The following CEP104 variants were observed in gnomAD, a reference collection of about 807,000 sequenced individuals.
CEP104 encodes centrosomal protein of 104 kDa.
CEP104 carries 84 observed loss-of-function variants against 113.3 expected under a neutral mutation model. The ratio of observed to expected loss-of-function variants is 0.74; its 90% CI spans 0.62 to 0.89. The LOEUF is 0.89. Ranked by LOEUF, CEP104 falls within the 40% of genes least tolerant of loss-of-function variation. CEP104 has a pLI of 0.00. For synonymous variants in CEP104, 378 were observed against 421.7 expected (o/e 0.90, Z 1.27); for missense variants, 1,053 against 1,156.6 (o/e 0.91, Z 1.30).
intron 20 of CEP104, chr1:3,816,586 C>T (rs1321761124): frequency 4.1e-6 from 2 of 491,382 alleles, no homozygotes; most frequent in African/African-American, 4.0e-5. Context: ...GCAAGAAGTC[C>T]TGTCACCAGG....
chr1:3,837,157 C>T (rs1557678881), intron 9 of CEP104, 135 bp downstream of exon 9: 4 of 679,216 alleles, frequency 5.9e-6, no homozygotes, highest in Non-Finnish European at 7.7e-6. Flanking sequence ...CACTATGGCT[C>T]CTAGAATGGA....
At chr1:3,828,599 G>A (rs1290989589) in intron 15 of CEP104, among the ~76,000 whole-genome samples, 5 of 152,192 alleles carry the variant, frequency 3.3e-5, no homozygotes, top group Non-Finnish European at 5.9e-5. Context: ...GCAGGCCTGA[G>A]GTGCCAGCAG....
intron 20 of CEP104, among the ~76,000 whole-genome samples, chr1:3,817,897 G>A (rs577977985): frequency 2.4e-4 from 37 of 152,348 alleles, no homozygotes; most frequent in African/African-American, 7.7e-4. Flanking sequence ...CCAGGCTGGC[G>A]TGCTGGGCTC....
chr1:3,815,614 A>C, intron 21 of CEP104, 97 bp from the exon 22 acceptor site: 2 of 789,106 alleles, frequency 2.5e-6, no homozygotes, highest in Non-Finnish European at 3.9e-6. Context: ...ACAACGTCCC[A>C]GGCCCATGCT....
At chr1:3,827,680 CAA>C (rs1557666644) in intron 15 of CEP104, among the ~76,000 whole-genome samples, 1 of 152,140 alleles carries the variant, frequency 6.6e-6, no homozygotes, top group Non-Finnish European at 1.5e-5. Context: ...TTTACCCCAA[CAA>C]AAAAAGAGAA....
chr1:3,828,173 T>G (rs1287535790), intron 15 of CEP104, among the ~76,000 whole-genome samples: 1 of 152,168 alleles, frequency 6.6e-6, no homozygotes, highest in African/African-American at 2.4e-5. Flanking sequence ...CGCCTGGCAA[T>G]GGGCTTAGTA....
At position 3,812,429 on chromosome 1, in the gene CEP104, C is replaced by A. The variant is rs1643811236; in HGVS notation, c.*2973G>T. 2 of 151,992 alleles carry A rather than the reference C, an allele frequency of 1.3e-5. No individual in the cohort carries two copies. Among genetic ancestry groups the A allele is most frequent in the Non-Finnish European group, 2.9e-5 (2 of 68,016 alleles). The allele number at this position is 151,992 out of a possible 1,614,324, so 9.4% of individuals were successfully genotyped here. A position where few individuals can be genotyped will look rare whatever the true frequency, so the allele number is the denominator to read the frequency against. The stretch of plus-strand genomic sequence containing the variant: ...ATTTAGATATTTATTTATGAATGAC[C>A]AAGGGATTTTACAGTTCCTTTTTAA... On this transcript the variant is annotated 3_prime_UTR_variant, in exon 22 of 22. Transcript: ENST00000378230.
At chr1:3,829,504 A>G (rs1007590179) in intron 14 of CEP104, 131 bp from the exon 15 acceptor site, 1 of 707,082 alleles carries the variant, frequency 1.4e-6, no homozygotes, top group Non-Finnish European at 2.3e-6. Flanking sequence ...ACAAGTTAGA[A>G]TAAGTCTTTT....
At chr1:3,837,011 T>C in intron 9 of CEP104, 1 of 520,768 alleles carries the variant, frequency 1.9e-6, no homozygotes, top group South Asian at 2.7e-5. Flanking sequence ...TAAAGGCTAT[T>C]ACATCTTTTT....
At chr1:3,826,340 G>A (rs756611880) in intron 17 of CEP104, 30 bp downstream of exon 17, 19 of 1,603,332 alleles carry the variant, frequency 1.2e-5, no homozygotes, top group East Asian at 2.2e-5. Context: ...CCTGACCATC[G>A]TACAATGGGT....
intron 4 of CEP104, 135 bp downstream of exon 4, chr1:3,847,340 G>C: frequency 1.1e-6 from 1 of 918,782 alleles, no homozygotes; most frequent in Non-Finnish European, 1.6e-6. Context: ...ACAGCTCAGA[G>C]AGCTCAGCAG....
intron 6 of CEP104, 44 bp downstream of exon 6, chr1:3,844,863 G>A (rs760064919): frequency 6.6e-7 from 1 of 1,518,858 alleles, no homozygotes; most frequent in Non-Finnish European, 9.1e-7. Flanking sequence ...TCAGGATTCT[G>A]AGGAAAGTAA....
At position 3,815,353 on chromosome 1, in the gene CEP104, A is replaced by G; in HGVS notation, c.*49T>C. The G allele has an allele frequency of 1.5e-6, 2 of 1,366,922 alleles. No individual in the cohort carries two copies. The highest frequency in any genetic ancestry group is 1.2e-5 in the South Asian group (1 of 81,720). The allele number at this position is 1,366,922 out of a possible 1,614,324, so 84.7% of individuals were successfully genotyped here. A position where few individuals can be genotyped will look rare whatever the true frequency, so the allele number is the denominator to read the frequency against. ...AGTTCTGGAGAGATGGTGTAGAATCAGGAGACCCGCTCCATCCCTCACAGA... is the reference window on the plus strand; with the variant it reads ...AGTTCTGGAGAGATGGTGTAGAATCGGGAGACCCGCTCCATCCCTCACAGA... On this transcript the variant is annotated 3_prime_UTR_variant, in exon 22 of 22. Transcript: ENST00000378230.
rs990842947 is a variant in CEP104, at chr1:3,815,204, G to A, written c.*198C>T. ...GTGCGGCCAGGTCCTGGCACTGCAC[G>A]CAGGATCTTTGGTTAGCTGCATCCA... On this transcript the variant is annotated 3_prime_UTR_variant, in exon 22 of 22. Coordinates refer to ENST00000378230, the MANE Select transcript of CEP104 (RefSeq NM_014704.4). The A allele has an allele frequency of 3.2e-4, 186 of 581,856 alleles. No homozygotes were observed. Among genetic ancestry groups the A allele is most frequent in the African/African-American group, 2.7e-3 (146 of 53,328 alleles). The allele number at this position is 581,856 out of a possible 1,614,324, so 36.0% of individuals were successfully genotyped here. A position where few individuals can be genotyped will look rare whatever the true frequency, so the allele number is the denominator to read the frequency against.
chr1:3,820,272 C>T (rs1643944972), intron 20 of CEP104, among the ~76,000 whole-genome samples: 1 of 152,138 alleles, frequency 6.6e-6, no homozygotes, highest in African/African-American at 2.4e-5. Flanking sequence ...AGTAGGAAAC[C>T]AATGGCAATA....
Position 3,829,517 on chromosome 1 carries a change from A to G in CEP104, c.2044-144T>C, listed in dbSNP as rs572650414. On this transcript the variant is annotated intron_variant, in intron 14 of 21. Coordinates refer to ENST00000378230, the MANE Select transcript of CEP104 (RefSeq NM_014704.4). Reference sequence around the variant, plus strand: ...TAACAAGTTAGAATAAGTCTTTTCCATTGATTTCATTGGTGTCTATTGATA... The same window carrying G: ...TAACAAGTTAGAATAAGTCTTTTCCGTTGATTTCATTGGTGTCTATTGATA... 53 of 680,034 alleles carry G rather than the reference A, an allele frequency of 7.8e-5. No homozygotes were observed. The African/African-American group carries it at 8.1e-4, about 10-fold the overall frequency. 42.1% of individuals were successfully genotyped at this position (680,034 alleles called of 1,614,324 possible). A position where few individuals can be genotyped will look rare whatever the true frequency, so the allele number is the denominator to read the frequency against.
At chr1:3,836,765 G>GGAGAAT in intron 9 of CEP104, 73 bp from the exon 10 acceptor site, 1 of 1,395,466 alleles carries the variant, frequency 7.2e-7, no homozygotes, top group Non-Finnish European at 1.0e-6. Flanking sequence ...AACTCTCACT[G>GGAGAAT]GCAGGCTTAC....
At position 3,836,505 on chromosome 1, in the gene CEP104, C is replaced by T. The variant is rs150840606; in HGVS notation, c.1307G>A (p.Gly436Glu). The T allele has an allele frequency of 2.3e-6, 3 of 1,298,710 alleles. No homozygotes were observed. Among genetic ancestry groups the T allele is most frequent in the African/African-American group, 4.5e-5 (2 of 44,662 alleles). 80.4% of individuals were successfully genotyped at this position (1,298,710 alleles called of 1,614,324 possible). A position where few individuals can be genotyped will look rare whatever the true frequency, so the allele number is the denominator to read the frequency against. ...REASSAIDVL[G>E]ETLVAEAYCK... Reference sequence around the variant, plus strand: ...TTTTTTTTTTTTTACCAAGGTTTCTCCCAACACATCGATGGCAGAGCTGGC... The same window carrying T: ...TTTTTTTTTTTTTACCAAGGTTTCTTCCAACACATCGATGGCAGAGCTGGC... The change falls in exon 10 of 22, where the codon GGA becomes GAA. Residue 436 changes from glycine (G) to glutamate (E), a missense_variant. Physicochemically the swap from Gly to Glu is moderately conservative, Grantham distance 98. Coordinates refer to ENST00000378230, the MANE Select transcript of CEP104 (RefSeq NM_014704.4).
In CEP104 at chr1:3,837,407, T is replaced by C. The variant is rs1370742635; in HGVS notation, c.1004A>G (p.Gln335Arg). 1.2e-6 allele frequency: 2 copies of C among 1,614,114 alleles called. No individual in the cohort carries two copies. The highest frequency in any genetic ancestry group is 4.5e-5 in the East Asian group (2 of 44,898). ...PQLEERGTENQFAEPFLQEKP... is the reference protein window; with the variant it reads ...PQLEERGTENRFAEPFLQEKP... ...TTCCTGAAGGAAAGGTTCTGCAAAC[T>C]GGTTTTCTGTTCCTCTTTCTTCCAG... Residue 335 changes from glutamine to arginine, a missense_variant, in exon 9 of 22, where the codon CAG becomes CGG. Gln to Arg is a conservative substitution (Grantham distance 43). Transcript: ENST00000378230.
Sources: gnomAD v4.1 joint callset for allele counts (sites outside exome capture counted in the v4.1 genomes callset) on GRCh38, gnomAD v4.1.1 for gene constraint, MANE v1.5 for transcripts, NCBI Gene and HGNC (gene_info 2026-07-23, HGNC 2026-07-21) for gene names.